PBX3: variants seen among roughly 807,000 people sequenced by gnomAD.
The protein encoded by PBX3 is PBX homeobox 3.
PBX3 carries 14 observed loss-of-function variants against 48.5 expected under a neutral mutation model. The observed-to-expected ratio is 0.29, with a 90% CI of 0.19 to 0.45. The LOEUF (loss-of-function observed/expected upper bound fraction) is 0.45, where lower values mean the gene tolerates loss of function less well. PBX3 is among the 20% of genes least tolerant of loss of function. The pLI is 1.00. For missense variants in PBX3, 386 were observed against 546.7 expected, an observed-to-expected ratio of 0.71 and a Z score of 2.93; for synonymous variants, 210 against 200.3, an observed-to-expected ratio of 1.05 and a Z score of -0.41.
At chr9:125,778,000 G>C (rs1020539791) in intron 2 of PBX3, among the ~76,000 whole-genome samples, 9 of 135,828 alleles carry the variant, frequency 6.6e-5, no homozygotes, top group Non-Finnish European at 1.2e-4. Context: ...TCACTTCGTT[G>C]CCCAGGCTGG....
intron 2 of PBX3, among the ~76,000 whole-genome samples, chr9:125,864,632 C>T (rs1283138018): frequency 6.6e-6 from 1 of 152,140 alleles, no homozygotes; most frequent in Non-Finnish European, 1.5e-5. Context: ...CAACTTGGAT[C>T]CCTTGCATGC....
intron 2 of PBX3, among the ~76,000 whole-genome samples, chr9:125,805,569 T>C (rs1477234573): frequency 6.6e-6 from 1 of 152,192 alleles, no homozygotes; most frequent in Non-Finnish European, 1.5e-5. Flanking sequence ...TAGACTAGAC[T>C]GATAGCAGTA....
chr9:125,954,559 CAG>C (rs1293458548), intron 5 of PBX3, among the ~76,000 whole-genome samples: 1 of 152,148 alleles, frequency 6.6e-6, no homozygotes, highest in African/African-American at 2.4e-5. Flanking sequence ...TGTTTTGAGA[CAG>C]AGTCTCACTC....
At chr9:125,871,289 G>A (rs1840117661) in intron 2 of PBX3, among the ~76,000 whole-genome samples, 1 of 151,752 alleles carries the variant, frequency 6.6e-6, no homozygotes, top group African/African-American at 2.4e-5. Flanking sequence ...CCCAGCTATA[G>A]GCTGAGGCAG....
rs1842444241 is a variant in PBX3 at position 125,962,155 on chromosome 9, C to T, written c.1063C>T (p.Gln355Ter). ...TTCTGGGGACATGTTCATGAACATG[C>T]AGAGTCTGAATGGGGATTCTTACCA... The part of the protein sequence containing the change: ...PNSGDMFMNM[Q>*]SLNGDSYQGS... The change falls in exon 7 of 9, where the codon CAG (glutamine) becomes TAG (stop). Residue 355 changes from glutamine (Q) to a stop codon, truncating the protein, a stop_gained. Coordinates refer to ENST00000373489, the MANE Select transcript of PBX3 (RefSeq NM_006195.6). LOFTEE classifies it high-confidence loss of function. The T allele has an allele frequency of 6.2e-7, 1 of 1,612,550 alleles. No individual in the cohort carries two copies. The highest frequency in any genetic ancestry group is 8.5e-7 in the Non-Finnish European group (1 of 1,178,634).
intron 2 of PBX3, among the ~76,000 whole-genome samples, chr9:125,867,584 G>A (rs570029696): frequency 1.4e-5 from 2 of 145,788 alleles, no homozygotes; most frequent in South Asian, 4.3e-4. Flanking sequence ...AGGTTGCAGT[G>A]AGCCGAGATG....
chr9:125,932,369 G>C (rs113904504), intron 4 of PBX3, among the ~76,000 whole-genome samples: 232 of 152,264 alleles, frequency 1.5e-3, no homozygotes, highest in African/African-American at 5.1e-3. Context: ...AGTCATGTAG[G>C]CTCCTTTTTC....
intron 2 of PBX3, among the ~76,000 whole-genome samples, chr9:125,819,280 G>C (rs1338559330): frequency 1.3e-5 from 2 of 151,828 alleles, no homozygotes; most frequent in Non-Finnish European, 2.9e-5. Context: ...TGTAATCCCA[G>C]CACTTTGGGA....
chr9:125,909,136 A>T (rs1302954594), intron 2 of PBX3, among the ~76,000 whole-genome samples: 2 of 152,162 alleles, frequency 1.3e-5, no homozygotes, highest in African/African-American at 4.8e-5. Context: ...TTTATTGCAC[A>T]GTCCATCTGC....
At chr9:125,748,738 T>C in intron 2 of PBX3, 115 bp downstream of exon 2, 1 of 700,018 alleles carries the variant, frequency 1.4e-6, no homozygotes, top group South Asian at 1.6e-5. Context: ...CTTTGATCAT[T>C]CTCTCCTTCC....
chr9:125,870,491 CAA>C (rs1840095023), intron 2 of PBX3, among the ~76,000 whole-genome samples: 1 of 152,050 alleles, frequency 6.6e-6, no homozygotes, highest in East Asian at 1.9e-4. Context: ...AACAAACAAA[CAA>C]ACAAAAAAAC....
chr9:125,807,497 T>A (rs1315026561), intron 2 of PBX3, among the ~76,000 whole-genome samples: 1 of 152,158 alleles, frequency 6.6e-6, no homozygotes, highest in African/African-American at 2.4e-5. Flanking sequence ...GAATTCAGAT[T>A]GTGATTTGAT....
At chr9:125,882,050 T>G (rs1457964565) in intron 2 of PBX3, among the ~76,000 whole-genome samples, 1 of 151,376 alleles carries the variant, frequency 6.6e-6, no homozygotes, top group Non-Finnish European at 1.5e-5. Flanking sequence ...AATAAATAAA[T>G]AAATAATAAA....
intron 5 of PBX3, 92 bp from the exon 6 acceptor site, chr9:125,960,592 C>A: frequency 8.9e-7 from 1 of 1,118,516 alleles, no homozygotes; most frequent in Non-Finnish European, 1.3e-6. Flanking sequence ...GTGTGTCTCC[C>A]AAGGTATTGC....
intron 2 of PBX3, among the ~76,000 whole-genome samples, chr9:125,899,614 A>G (rs1024396583): frequency 1.3e-5 from 2 of 151,040 alleles, no homozygotes; most frequent in Non-Finnish European, 3.0e-5. Flanking sequence ...GCTGGTGAAG[A>G]TTTCAGTACC....
intron 5 of PBX3, among the ~76,000 whole-genome samples, chr9:125,957,335 A>G (rs1040788674): frequency 3.9e-5 from 6 of 152,236 alleles, no homozygotes; most frequent in African/African-American, 1.4e-4. Context: ...GCTTCGGATG[A>G]GTGGCCATTA....
At position 125,929,890 on chromosome 9, in the gene PBX3, C is replaced by T. The variant is rs184469813; in HGVS notation, c.707+45C>T. The T allele has an allele frequency of 3.4e-3, 4,803 of 1,408,736 alleles. 22 individuals are homozygous for T. Among genetic ancestry groups the T allele is most frequent in the Non-Finnish European group, 4.2e-3 (4,168 of 1,000,252 alleles). 87.3% of individuals were successfully genotyped at this position (1,408,736 alleles called of 1,614,324 possible). A position where few individuals can be genotyped will look rare whatever the true frequency, so the allele number is the denominator to read the frequency against. ...TATTGCATGGCTTTCCCCCGTCTGTCACTCCTTGTGTATTATTTTCTGTAA... is the reference window on the plus strand; with the variant it reads ...TATTGCATGGCTTTCCCCCGTCTGTTACTCCTTGTGTATTATTTTCTGTAA... On this transcript the variant is annotated intron_variant, in intron 4 of 8. Transcript: ENST00000373489.
intron 2 of PBX3, among the ~76,000 whole-genome samples, chr9:125,800,140 A>G (rs975194127): frequency 5.9e-5 from 9 of 152,208 alleles, no homozygotes; most frequent in African/African-American, 1.2e-4. Context: ...TGCTTCAACT[A>G]TGGACTCAGT....
intron 2 of PBX3, among the ~76,000 whole-genome samples, chr9:125,911,076 T>C (rs1433460226): frequency 6.6e-6 from 1 of 152,096 alleles, no homozygotes; most frequent in East Asian, 1.9e-4. Context: ...CCAAATACTT[T>C]AGTTTAGACA....
Sources: allele counts gnomAD v4.1 joint callset (sites outside exome capture counted in the v4.1 genomes callset), GRCh38; gene constraint gnomAD v4.1.1; transcripts MANE v1.5; gene names NCBI Gene and HGNC (gene_info 2026-07-23, HGNC 2026-07-21).